Variants in ATP8A2 observed in about 807,000 individuals in gnomAD.
The protein encoded by ATP8A2 is phospholipid-transporting ATPase IB.
Under a neutral mutation model 165.6 loss-of-function variants are expected in ATP8A2, and 100 were observed. The observed-to-expected ratio is 0.60, with a 90% CI of 0.51 to 0.71. The LOEUF (loss-of-function observed/expected upper bound fraction) is 0.71. Among genes scored for constraint, ATP8A2 ranks in the 30% least tolerant of loss-of-function variants. The pLI is 0.00. For synonymous variants in ATP8A2, 543 were observed against 548.8 expected (o/e 0.99, Z 0.15); for missense variants, 1,227 against 1,479.5 (o/e 0.83, Z 2.80).
intron 33 of ATP8A2, among the ~76,000 whole-genome samples, chr13:25,898,741 C>T (rs1953644280): frequency 6.6e-6 from 1 of 152,194 alleles, no homozygotes; most frequent in Non-Finnish European, 1.5e-5. Flanking sequence ...GGGCGCCCCT[C>T]CACCAGCCTC....
At chr13:25,970,723 C>T (rs1955893055) in intron 35 of ATP8A2, among the ~76,000 whole-genome samples, 1 of 152,190 alleles carries the variant, frequency 6.6e-6, no homozygotes, top group Non-Finnish European at 1.5e-5. Context: ...GTCAGCTGCT[C>T]ATCTTCACTT....
intron 24 of ATP8A2, among the ~76,000 whole-genome samples, chr13:25,595,385 C>T (rs1329432894): frequency 6.6e-6 from 1 of 152,112 alleles, no homozygotes; most frequent in Non-Finnish European, 1.5e-5. Flanking sequence ...ATGCCTGCGG[C>T]AGAGACTACA....
chr13:25,474,838 T>C (rs1305724273), intron 2 of ATP8A2, among the ~76,000 whole-genome samples: 3 of 151,946 alleles, frequency 2.0e-5, no homozygotes, highest in African/African-American at 7.3e-5. Context: ...TTATTATTAT[T>C]ATTATTATCT....
chr13:25,468,290 C>T (rs975454095), intron 1 of ATP8A2, among the ~76,000 whole-genome samples: 2 of 152,190 alleles, frequency 1.3e-5, no homozygotes, highest in African/African-American at 4.8e-5. Flanking sequence ...AAAGCTCGAG[C>T]GCTGGTCCAG....
At chr13:25,749,296 G>A (rs2044104388) in intron 25 of ATP8A2, among the ~76,000 whole-genome samples, 1 of 152,166 alleles carries the variant, frequency 6.6e-6, no homozygotes, top group Non-Finnish European at 1.5e-5. Context: ...TGGGAAGAGA[G>A]TGGAGGAGGG....
At chr13:25,674,441 G>A (rs1027853375) in intron 24 of ATP8A2, among the ~76,000 whole-genome samples, 4 of 152,170 alleles carry the variant, frequency 2.6e-5, no homozygotes, top group African/African-American at 9.7e-5. Flanking sequence ...CAGATCATTA[G>A]GTCTCTGGAA....
intron 24 of ATP8A2, among the ~76,000 whole-genome samples, chr13:25,598,210 AT>A (rs1213552096): frequency 1.3e-5 from 2 of 152,170 alleles, no homozygotes; most frequent in Admixed American, 1.3e-4. Context: ...CCTCTAATTT[AT>A]TGCATTTGTG....
Position 25,792,967 on chromosome 13 carries a change from AGAGGG to A in ATP8A2, c.2679+18013_2679+18017del, listed in dbSNP as rs376741648. On this transcript the variant is annotated intron_variant, in intron 27 of 36. Coordinates refer to ENST00000381655, the MANE Select transcript of ATP8A2 (RefSeq NM_016529.6). ...AAAGGAAGGAAAGAAGGAAGGAAGG[AGAGGG>A]GAGGAGAGGAGAGGAGGGATAGGGG... Among the ~76,000 whole-genome samples, 812 of 143,226 alleles carry A rather than the reference AGAGGG, an allele frequency of 5.7e-3. 6 individuals are homozygous for A. The highest frequency in any genetic ancestry group is 0.02 in the African/African-American group (777 of 38,936). The allele number at this position is 143,226 out of a possible 152,430, so 94.0% of individuals were successfully genotyped here.
chr13:25,594,984 G>GTGTGTATATATA (rs150738527), intron 24 of ATP8A2, among the ~76,000 whole-genome samples: 2 of 142,818 alleles, frequency 1.4e-5, no homozygotes, highest in South Asian at 4.4e-4. Context: ...GTGTGTGTGT[G>GTGTGTATATATA]TATATATATA....
chr13:25,690,477 A>G (rs2042701055), intron 24 of ATP8A2, among the ~76,000 whole-genome samples: 3 of 152,140 alleles, frequency 2.0e-5, no homozygotes, highest in Non-Finnish European at 2.9e-5. Context: ...GCCCATGCAC[A>G]CACAGTGTGT....
chr13:25,480,794 C>G (rs1364157727), intron 2 of ATP8A2, among the ~76,000 whole-genome samples: 1 of 149,586 alleles, frequency 6.7e-6, no homozygotes, highest in East Asian at 2.0e-4. Context: ...CTTTGGGAGG[C>G]CAAGGCAGGT....
Position 25,581,869 on chromosome 13 carries a change from AG to A in ATP8A2, c.2059del (p.Val687PhefsTer9). 1 of 1,614,090 alleles carries A rather than the reference AG, an allele frequency of 6.2e-7. No homozygotes were observed. Among genetic ancestry groups the A allele is most frequent in the Non-Finnish European group, 8.5e-7 (1 of 1,179,928 alleles). ...TAIEDRLQAG[V>X]PETIATLLKA... Reference sequence around the variant, plus strand: ...CCATAGAAGATCGCCTTCAAGCAGGAGTTCCAGAAACCATCGCAACACTGTT... The same window carrying A: ...CCATAGAAGATCGCCTTCAAGCAGGATTCCAGAAACCATCGCAACACTGTT... On this transcript the variant is annotated frameshift_variant, in exon 23 of 37. Coordinates refer to ENST00000381655, the MANE Select transcript of ATP8A2 (RefSeq NM_016529.6). LOFTEE classifies it high-confidence loss of function.
chr13:25,711,515 G>A (rs990995112), intron 25 of ATP8A2, among the ~76,000 whole-genome samples: 5 of 151,974 alleles, frequency 3.3e-5, no homozygotes, highest in African/African-American at 1.2e-4. Flanking sequence ...TTCTAAACCA[G>A]CCTGGGCAAC....
chr13:25,467,404 G>C (rs148149613), intron 1 of ATP8A2, among the ~76,000 whole-genome samples: 2 of 152,152 alleles, frequency 1.3e-5, no homozygotes, highest in African/African-American at 4.8e-5. Flanking sequence ...TTTACATTTC[G>C]CTTGTCCCTT....
intron 24 of ATP8A2, among the ~76,000 whole-genome samples, chr13:25,632,379 C>CG (rs1415584278): frequency 1.3e-5 from 2 of 152,112 alleles, no homozygotes; most frequent in African/African-American, 4.8e-5. Context: ...AATCCTGCCT[C>CG]GGTCTTTCCT....
At chr13:25,584,526 G>A (rs986963196) in intron 23 of ATP8A2, among the ~76,000 whole-genome samples, 22 of 152,206 alleles carry the variant, frequency 1.4e-4, no homozygotes, top group African/African-American at 5.3e-4. Flanking sequence ...AGTAAATGGA[G>A]TGTCTGGCAA....
chr13:25,860,787 G>A lies in ATP8A2; in HGVS notation c.3019-17G>A, dbSNP rs763533776. The A allele has an allele frequency of 4.4e-6, 7 of 1,579,454 alleles. No homozygotes were observed. In the Admixed American group the frequency reaches 1.2e-4, roughly 28 times the overall value. The stretch of plus-strand genomic sequence containing the variant: ...ATTGAGAATAATGTGTTTCCAAACT[G>A]TCTTTTATTTTCACAGTATGTTGTT... On this transcript the variant is annotated splice_polypyrimidine_tract_variant and intron_variant, in intron 31 of 36. Transcript: ENST00000381655.
chr13:25,646,817 C>T (rs1167384084), intron 24 of ATP8A2, among the ~76,000 whole-genome samples: 4 of 151,968 alleles, frequency 2.6e-5, no homozygotes, highest in African/African-American at 9.7e-5. Context: ...TTCCTTTTTC[C>T]ATTCTTGCAG....
intron 1 of ATP8A2, among the ~76,000 whole-genome samples, chr13:25,427,761 G>A (rs1168381582): frequency 6.6e-6 from 1 of 152,146 alleles, no homozygotes; most frequent in Non-Finnish European, 1.5e-5. Context: ...GGGCATGGTG[G>A]CAGGTGCTTG....
Sources: gnomAD v4.1 joint callset for allele counts (sites outside exome capture counted in the v4.1 genomes callset) on GRCh38, gnomAD v4.1.1 for gene constraint, MANE v1.5 for transcripts, NCBI Gene and HGNC (gene_info 2026-07-23, HGNC 2026-07-21) for gene names.